The following SLC71A1 variants were observed in gnomAD, a reference collection of about 807,000 sequenced individuals.
The protein encoded by SLC71A1 is solute carrier family 71 member 1.
the SLC71A1 span, among the ~76,000 whole-genome samples, chr1:100,076,326 G>T: frequency 6.6e-6 from 1 of 152,074 alleles, no homozygotes; most frequent in Non-Finnish European, 1.5e-5. Context: ...GCTATCTTAT[G>T]TAGTATATTA....
At chr1:100,081,200 C>G in the SLC71A1 span, among the ~76,000 whole-genome samples, 6 of 152,102 alleles carry the variant, frequency 3.9e-5, no homozygotes. Context: ...ACTGGCAGTG[C>G]AAGCTTCTGC....
the SLC71A1 span, chr1:100,038,143 G>A: frequency 5.1e-6 from 6 of 1,187,060 alleles, no homozygotes; most frequent in Non-Finnish European, 7.3e-6. Flanking sequence ...AGAGCGGCTC[G>A]GCCCGGCAGT....
the SLC71A1 span, among the ~76,000 whole-genome samples, chr1:100,062,307 A>G: frequency 6.6e-6 from 1 of 152,224 alleles, no homozygotes. Context: ...CAACAGGCTA[A>G]CATCTAGCTC....
At chr1:100,059,144 G>GTTTT in the SLC71A1 span, among the ~76,000 whole-genome samples, 53 of 75,422 alleles carry the variant, frequency 7.0e-4, 6 homozygotes, top group African/African-American at 1.0e-3. Context: ...TCTTTTTCGT[G>GTTTT]TTTTTTTTTT....
the SLC71A1 span, chr1:100,080,345 T>C: frequency 1.6e-6 from 1 of 631,130 alleles, no homozygotes; most frequent in Non-Finnish European, 2.8e-6. Flanking sequence ...AGCTTCTAAA[T>C]ATTAATAGTT....
chr1:100,060,991 A>T, the SLC71A1 span, among the ~76,000 whole-genome samples: 2 of 152,160 alleles, frequency 1.3e-5, no homozygotes, highest in African/African-American at 4.8e-5. Context: ...ATGAGATACA[A>T]TTCTAATAGA....
the SLC71A1 span, among the ~76,000 whole-genome samples, chr1:100,076,720 T>A: frequency 1.3e-5 from 2 of 152,190 alleles, no homozygotes; most frequent in Non-Finnish European, 2.9e-5. Context: ...GGCATCATGG[T>A]TTCAACAACA....
chr1:100,045,373 T>TA, the SLC71A1 span, among the ~76,000 whole-genome samples: 1 of 152,226 alleles, frequency 6.6e-6, no homozygotes, highest in African/African-American at 2.4e-5. Flanking sequence ...CTGAATCGTT[T>TA]ATCAGATCTC....
chr1:100,038,165 G>T, the SLC71A1 span: 3 of 1,365,364 alleles, frequency 2.2e-6, no homozygotes, highest in Non-Finnish European at 1.0e-6. Flanking sequence ...GTGGTGGGAC[G>T]GCACTAGCTG....
chr1:100,070,868 G>A, the SLC71A1 span, among the ~76,000 whole-genome samples: 1 of 151,910 alleles, frequency 6.6e-6, no homozygotes, highest in African/African-American at 2.4e-5. Flanking sequence ...ATTGACTCTT[G>A]GATGGTTCAC....
chr1:100,052,197 G>A, the SLC71A1 span, among the ~76,000 whole-genome samples: 5 of 152,138 alleles, frequency 3.3e-5, no homozygotes, highest in Non-Finnish European at 5.9e-5. Flanking sequence ...AAAGCATTTT[G>A]TGATGTTTCC....
the SLC71A1 span, among the ~76,000 whole-genome samples, chr1:100,055,693 C>A: frequency 2.6e-5 from 4 of 152,078 alleles, no homozygotes; most frequent in Non-Finnish European, 4.4e-5. Flanking sequence ...GGGTATCCAT[C>A]ATTTCAAGCA....
the SLC71A1 span, among the ~76,000 whole-genome samples, chr1:100,059,587 A>T: frequency 6.6e-6 from 1 of 151,752 alleles, no homozygotes; most frequent in East Asian, 1.9e-4. Flanking sequence ...ATACACACAC[A>T]TACACAAACA....
chr1:100,067,165 A>T, the SLC71A1 span, among the ~76,000 whole-genome samples: 2 of 152,008 alleles, frequency 1.3e-5, no homozygotes, highest in African/African-American at 4.8e-5. Context: ...TTTACCTATG[A>T]ATTTGCCAGT....
the SLC71A1 span, among the ~76,000 whole-genome samples, chr1:100,078,275 G>C: frequency 6.6e-6 from 1 of 152,210 alleles, no homozygotes; most frequent in African/African-American, 2.4e-5. Context: ...TTAAGTTGCT[G>C]TCTTTGTATA....
the SLC71A1 span, among the ~76,000 whole-genome samples, chr1:100,054,540 C>G: frequency 6.6e-6 from 1 of 151,998 alleles, no homozygotes; most frequent in Non-Finnish European, 1.5e-5. Flanking sequence ...ACCTATGGCT[C>G]TGGAAATAAT....
the SLC71A1 span, among the ~76,000 whole-genome samples, chr1:100,052,668 G>A: frequency 6.6e-6 from 1 of 151,898 alleles, no homozygotes; most frequent in African/African-American, 2.4e-5. Context: ...TTAACCTCGT[G>A]ATCCGCCCGC....
the SLC71A1 span, among the ~76,000 whole-genome samples, chr1:100,071,915 T>A: frequency 6.6e-6 from 1 of 152,118 alleles, no homozygotes; most frequent in Non-Finnish European, 1.5e-5. Flanking sequence ...GGATTTGTAT[T>A]GGAAAGATCA....
the SLC71A1 span, among the ~76,000 whole-genome samples, chr1:100,044,638 C>T: frequency 6.6e-6 from 1 of 151,718 alleles, no homozygotes; most frequent in East Asian, 1.9e-4. Flanking sequence ...GCCTCAGCCT[C>T]CCAAGTAGCT....
Sources: allele counts gnomAD v4.1 joint callset (sites outside exome capture counted in the v4.1 genomes callset), GRCh38; gene constraint gnomAD v4.1.1; transcripts MANE v1.5; gene names NCBI Gene and HGNC (gene_info 2026-07-23, HGNC 2026-07-21).